The following FRS2 variants were observed in gnomAD, a reference collection of about 807,000 sequenced individuals.
FRS2 encodes the protein FGFR signalling adaptor.
In FRS2, 8 loss-of-function variants were observed where a neutral mutation model predicts 43.9. That is an observed-to-expected ratio of 0.18 (90% confidence interval 0.11 to 0.33). FRS2 has a LOEUF of 0.33. Ranked by LOEUF, FRS2 falls within the 10% of genes least tolerant of loss-of-function variation. FRS2 has a pLI of 1.00. For missense variants in FRS2, 534 were observed against 627.6 expected (o/e 0.85, Z 1.59); for synonymous variants, 219 against 220.3 (o/e 0.99, Z 0.05).
At chr12:69,510,082 C>T (rs1874316257) in intron 1 of FRS2, among the ~76,000 whole-genome samples, 1 of 152,118 alleles carries the variant, frequency 6.6e-6, no homozygotes, top group Non-Finnish European at 1.5e-5. Context: ...AATCTCTAGC[C>T]CCCTCTTTCT....
intron 2 of FRS2, among the ~76,000 whole-genome samples, chr12:69,531,273 T>A (rs549623): frequency 0.094 from 14,202 of 151,080 alleles, 878 homozygotes; most frequent in Non-Finnish European, 0.14. Context: ...GAGGCTGCAG[T>A]GAGCTGAGAT....
chr12:69,549,937 A>G (rs1257134122), intron 3 of FRS2, among the ~76,000 whole-genome samples: 1 of 152,004 alleles, frequency 6.6e-6, no homozygotes, highest in East Asian at 1.9e-4. Context: ...ATTCCTTTAG[A>G]TGTTGGTGTT....
At chr12:69,542,379 TAGAA>T (rs1311588150) in intron 3 of FRS2, among the ~76,000 whole-genome samples, 3 of 152,132 alleles carry the variant, frequency 2.0e-5, no homozygotes, top group African/African-American at 4.8e-5. Flanking sequence ...TTATTTGAAA[TAGAA>T]AGCAGTATAA....
intron 1 of FRS2, among the ~76,000 whole-genome samples, chr12:69,524,608 CATGGACA>C: frequency 6.6e-6 from 1 of 152,074 alleles, no homozygotes; most frequent in East Asian, 1.9e-4. Context: ...GGCCCTGTTT[CATGGACA>C]AGACTGGCTC....
At chr12:69,552,044 G>A (rs1380957345) in intron 3 of FRS2, among the ~76,000 whole-genome samples, 3 of 151,886 alleles carry the variant, frequency 2.0e-5, no homozygotes, top group African/African-American at 4.8e-5. Context: ...GGTGGCTCAT[G>A]CCTGTAATCC....
intron 1 of FRS2, among the ~76,000 whole-genome samples, chr12:69,493,722 AAAAAC>A (rs1364622976): frequency 1.1e-4 from 16 of 152,236 alleles, no homozygotes; most frequent in East Asian, 3.8e-4. Context: ...ACTCCGCCTC[AAAAAC>A]AAAACAAAAC....
chr12:69,558,488 C>G (rs571955300), intron 3 of FRS2, among the ~76,000 whole-genome samples: 1 of 152,136 alleles, frequency 6.6e-6, no homozygotes, highest in South Asian at 2.1e-4. Flanking sequence ...CCCATGAACA[C>G]CCTACATTCC....
chr12:69,510,512 AATTG>A (rs1458642751), intron 1 of FRS2, among the ~76,000 whole-genome samples: 4 of 152,086 alleles, frequency 2.6e-5, no homozygotes, highest in African/African-American at 7.2e-5. Flanking sequence ...AATCCATCCA[AATTG>A]ATTGAACACC....
chr12:69,528,324 G>A (rs1876461408), intron 1 of FRS2, among the ~76,000 whole-genome samples: 1 of 152,164 alleles, frequency 6.6e-6, no homozygotes, highest in South Asian at 2.1e-4. Flanking sequence ...TTTCCTGGTG[G>A]TCTTGATATC....
intron 4 of FRS2, among the ~76,000 whole-genome samples, chr12:69,563,440 C>T (rs1008380489): frequency 3.9e-5 from 6 of 152,072 alleles, no homozygotes; most frequent in African/African-American, 1.4e-4. Flanking sequence ...GGGTTTTGCC[C>T]CATTTTGTAT....
chr12:69,495,104 CG>C (rs1389595291), intron 1 of FRS2, among the ~76,000 whole-genome samples: 1 of 152,028 alleles, frequency 6.6e-6, no homozygotes, highest in Non-Finnish European at 1.5e-5. Context: ...TCCCTGGTAT[CG>C]ATATGAGGAC....
chr12:69,546,904 C>T (rs1593030208), intron 3 of FRS2, among the ~76,000 whole-genome samples: 1 of 152,276 alleles, frequency 6.6e-6, no homozygotes, highest in South Asian at 2.1e-4. Flanking sequence ...AAGGCAGGGT[C>T]TTGAGGTATT....
chr12:69,556,021 G>A (rs944987380), intron 3 of FRS2, among the ~76,000 whole-genome samples: 2 of 144,984 alleles, frequency 1.4e-5, no homozygotes, highest in Non-Finnish European at 3.0e-5. Flanking sequence ...GGGGGGGGGC[G>A]GTGTACACAT....
intron 2 of FRS2, among the ~76,000 whole-genome samples, 169 bp from the exon 3 acceptor site, chr12:69,531,845 T>C (rs541946459): frequency 6.6e-6 from 1 of 152,348 alleles, no homozygotes; most frequent in South Asian, 2.1e-4. Flanking sequence ...TTTTGGTTTT[T>C]TATAACACAT....
chr12:69,508,024 C>CAAAA (rs11365179), intron 1 of FRS2, among the ~76,000 whole-genome samples: 10 of 47,580 alleles, frequency 2.1e-4, no homozygotes, highest in African/African-American at 3.6e-4. Context: ...AACCCCGTCT[C>CAAAA]AAAAAAAAAA....
chr12:69,574,778 T>G lies in FRS2; in HGVS notation c.1350T>G (p.Pro450=). 6.2e-7 allele frequency: 1 copy of G among 1,614,086 alleles called. No homozygotes were observed. Residue 450 remains proline, a synonymous_variant, in exon 9 of 9, where the codon CCT becomes CCG. Transcript: ENST00000549921. Reference sequence around the variant, plus strand: ...AAGGTGGCAGTGACTCTGACAACCCTCAGACTCCAAAAACGCCTACAACTC... The same window carrying G: ...AAGGTGGCAGTGACTCTGACAACCCGCAGACTCCAAAAACGCCTACAACTC... ...DLEGGSDSDN[P]QTPKTPTTPL... is the part of the protein sequence containing the mutation.
Position 69,522,512 on chromosome 12 carries a change from C to T in FRS2, c.-260-8353C>T, listed in dbSNP as rs762777000. 6.2e-4 allele frequency among the ~76,000 whole-genome samples: 95 copies of T among 152,046 alleles called. 1 individual carries two copies. The highest frequency in any genetic ancestry group is 2.1e-4 in the Non-Finnish European group (14 of 67,992). ...TCACTTCTTTTATTAGTCTAGCTAG[C>T]AGTCTATCTATTAATTTTTTTCAAA... On this transcript the variant is annotated intron_variant, in intron 1 of 8. Transcript: ENST00000549921.
chr12:69,564,186 C>T (rs2135785576), intron 4 of FRS2, among the ~76,000 whole-genome samples: 1 of 151,990 alleles, frequency 6.6e-6, no homozygotes, highest in African/African-American at 2.4e-5. Context: ...TCTGTCTCTG[C>T]CATGGATGGT....
intron 3 of FRS2, among the ~76,000 whole-genome samples, chr12:69,558,419 G>T (rs117568790): frequency 6.6e-6 from 1 of 152,184 alleles, no homozygotes; most frequent in African/African-American, 2.4e-5. Context: ...TCAGTAGTAC[G>T]AACTGACCCT....
Sources: allele counts gnomAD v4.1 joint callset (sites outside exome capture counted in the v4.1 genomes callset), GRCh38; gene constraint gnomAD v4.1.1; transcripts MANE v1.5; gene names NCBI Gene and HGNC (gene_info 2026-07-23, HGNC 2026-07-21).